Variants in ZFHX3 observed in about 807,000 individuals in gnomAD.
The protein encoded by ZFHX3 is zinc finger homeobox protein 3.
ZFHX3 carries 42 observed loss-of-function variants against 279.1 expected under a neutral mutation model. That is an observed-to-expected ratio of 0.15 (90% confidence interval 0.12 to 0.19). The LOEUF (loss-of-function observed/expected upper bound fraction) is 0.19, where lower values mean the gene tolerates loss of function less well. ZFHX3 is among the 10% of genes least tolerant of loss of function. The pLI is 1.00. For missense variants in ZFHX3, 4,981 were observed against 4,754.0 expected (o/e 1.05, Z -1.40); for synonymous variants, 2,293 against 1,957.8 (o/e 1.17, Z -4.52).
At chr16:73,068,055 C>T (rs888253778) in intron 8 of ZFHX3, among the ~76,000 whole-genome samples, 1 of 152,174 alleles carries the variant, frequency 6.6e-6, no homozygotes, top group Non-Finnish European at 1.5e-5. Flanking sequence ...CCTACCTTGC[C>T]TTAGCTCCCT....
chr16:73,806,898 C>A (rs1597124316), intron 1 of ZFHX3, among the ~76,000 whole-genome samples: 1 of 152,118 alleles, frequency 6.6e-6, no homozygotes, highest in Non-Finnish European at 1.5e-5. Context: ...ATCCATCATC[C>A]CATCAGCAGA....
At chr16:73,196,700 A>G (rs1002589257) in intron 5 of ZFHX3, among the ~76,000 whole-genome samples, 8 of 152,020 alleles carry the variant, frequency 5.3e-5, no homozygotes, top group Non-Finnish European at 7.4e-5. Context: ...TGGTCTGTCC[A>G]CTCCTTATAA....
intron 2 of ZFHX3, among the ~76,000 whole-genome samples, chr16:73,523,007 C>T (rs1567508814): frequency 1.3e-5 from 2 of 152,118 alleles, no homozygotes; most frequent in Admixed American, 6.5e-5. Context: ...CAATTACCTC[C>T]CACTGGGTCC....
chr16:73,202,356 A>G (rs1187459875), intron 5 of ZFHX3, among the ~76,000 whole-genome samples: 4 of 152,234 alleles, frequency 2.6e-5, no homozygotes, highest in Non-Finnish European at 4.4e-5. Context: ...AAAATAGAAT[A>G]CCAATCAAAA....
intron 1 of ZFHX3, among the ~76,000 whole-genome samples, chr16:73,708,215 C>A (rs1028370169): frequency 6.6e-6 from 1 of 152,152 alleles, no homozygotes; most frequent in African/African-American, 2.4e-5. Flanking sequence ...TCATTGAAGT[C>A]TCCGTTTTAT....
intron 2 of ZFHX3, among the ~76,000 whole-genome samples, chr16:73,544,704 G>C (rs1053993915): frequency 6.6e-6 from 1 of 152,160 alleles, no homozygotes; most frequent in Non-Finnish European, 1.5e-5. Context: ...CGGCAATCCA[G>C]GGAGTGAGAC....
chr16:72,949,941 T>G (rs547571924), intron 3 of ZFHX3, among the ~76,000 whole-genome samples: 1 of 135,008 alleles, frequency 7.4e-6, no homozygotes, highest in South Asian at 2.3e-4. Flanking sequence ...GTCAGATTCA[T>G]GCACTGATGT....
chr16:73,691,755 T>G (rs2053151900), intron 1 of ZFHX3, among the ~76,000 whole-genome samples: 1 of 152,208 alleles, frequency 6.6e-6, no homozygotes, highest in Non-Finnish European at 1.5e-5. Context: ...AGAAAGCATC[T>G]TCTACAATAT....
intron 4 of ZFHX3, among the ~76,000 whole-genome samples, chr16:73,292,294 TA>T (rs1193562073): frequency 6.6e-6 from 1 of 152,084 alleles, no homozygotes; most frequent in African/African-American, 2.4e-5. Flanking sequence ...TGGGTATAGA[TA>T]TTTCTCCAGG....
intron 2 of ZFHX3, among the ~76,000 whole-genome samples, chr16:73,523,374 G>T (rs2019639213): frequency 6.6e-6 from 1 of 152,124 alleles, no homozygotes; most frequent in Non-Finnish European, 1.5e-5. Context: ...GACCTCCCTG[G>T]GTTTTATATG....
At chr16:72,952,804 G>A (rs1961057994) in intron 2 of ZFHX3, among the ~76,000 whole-genome samples, 2 of 152,172 alleles carry the variant, frequency 1.3e-5, no homozygotes, top group Non-Finnish European at 2.9e-5. Context: ...CCAGGAGAAT[G>A]GCTTAAAAAG....
At chr16:73,466,338 C>T (rs749723749) in intron 2 of ZFHX3, among the ~76,000 whole-genome samples, 2 of 152,176 alleles carry the variant, frequency 1.3e-5, no homozygotes, top group Non-Finnish European at 2.9e-5. Context: ...GGAAAATTAT[C>T]TGGGCATGGT....
intron 1 of ZFHX3, among the ~76,000 whole-genome samples, chr16:73,703,785 G>A (rs1462658766): frequency 3.7e-4 from 57 of 152,284 alleles, no homozygotes; most frequent in Non-Finnish European, 2.9e-5. Context: ...GCAATCTTCA[G>A]GTTTAAGATG....
intron 2 of ZFHX3, among the ~76,000 whole-genome samples, chr16:73,588,971 A>G (rs931415767): frequency 3.3e-5 from 5 of 151,916 alleles, no homozygotes; most frequent in African/African-American, 1.2e-4. Flanking sequence ...ATTTTAAAAA[A>G]TGACCTTGGC....
chr16:73,513,978 A>G (rs1361674089), intron 2 of ZFHX3, among the ~76,000 whole-genome samples: 4 of 152,190 alleles, frequency 2.6e-5, no homozygotes, highest in Non-Finnish European at 4.4e-5. Context: ...ATTGGAGGCC[A>G]TGTGCAGTGG....
intron 8 of ZFHX3, among the ~76,000 whole-genome samples, chr16:73,067,198 A>G (rs1001258093): frequency 6.6e-6 from 1 of 152,096 alleles, no homozygotes; most frequent in African/African-American, 2.4e-5. Context: ...TCTGTCTGGG[A>G]AGAAAAAAGA....
chr16:72,888,181 T>A (rs1474161717), intron 4 of ZFHX3, among the ~76,000 whole-genome samples: 1 of 152,218 alleles, frequency 6.6e-6, no homozygotes, highest in East Asian at 1.9e-4. Flanking sequence ...ATAAAGTTTA[T>A]GTAACTTTTT....
intron 1 of ZFHX3, among the ~76,000 whole-genome samples, chr16:73,890,759 A>G (rs1251578297): frequency 6.6e-6 from 1 of 152,136 alleles, no homozygotes; most frequent in African/African-American, 2.4e-5. Context: ...TTGACAGTAA[A>G]GGGTTTGCAC....
chr16:73,502,739 T>A lies in ZFHX3; in HGVS notation c.-1546-46481A>T, dbSNP rs76083459. Among the ~76,000 whole-genome samples, 1,307 of 152,282 alleles carry A rather than the reference T, an allele frequency of 8.6e-3. 28 individuals carry two copies. The highest frequency in any genetic ancestry group is 0.03 in the African/African-American group (1,263 of 41,540). ...GAAAGAGTGAGAAGATGACCTGGTATCCCCATGCAATGAACACAGGCTGCA... is the reference window on the plus strand; with the variant it reads ...GAAAGAGTGAGAAGATGACCTGGTAACCCCATGCAATGAACACAGGCTGCA... On this transcript the variant is annotated intron_variant, in intron 2 of 17. Coordinates refer to the ZFHX3 transcript ENST00000641206.
Sources: gnomAD v4.1 joint callset for allele counts (sites outside exome capture counted in the v4.1 genomes callset) on GRCh38, gnomAD v4.1.1 for gene constraint, MANE v1.5 for transcripts, NCBI Gene and HGNC (gene_info 2026-07-23, HGNC 2026-07-21) for gene names.